The following SGCZ variants were observed in gnomAD, a reference collection of about 807,000 sequenced individuals.
SGCZ encodes zeta-sarcoglycan.
In SGCZ, 40 loss-of-function variants were observed where a neutral mutation model predicts 41.3. That is an observed-to-expected ratio of 0.97 (90% CI 0.75 to 1.26). The LOEUF (loss-of-function observed/expected upper bound fraction) is 1.26. Ranked by LOEUF, SGCZ falls within the 50% of genes most tolerant of loss-of-function variation. The pLI is 0.00. For synonymous variants in SGCZ, 206 were observed against 137.5 expected, an observed-to-expected ratio of 1.50 and a Z score of -3.49; for missense variants, 552 against 369.8, an observed-to-expected ratio of 1.49 and a Z score of -4.04.
chr8:14,865,073 T>C (rs567056888), intron 1 of SGCZ, among the ~76,000 whole-genome samples: 2 of 152,178 alleles, frequency 1.3e-5, no homozygotes, highest in South Asian at 2.1e-4. Context: ...TGTACACACA[T>C]ATATATATTC....
chr8:14,238,752 G>A (rs1458571553), intron 3 of SGCZ, among the ~76,000 whole-genome samples: 1 of 151,874 alleles, frequency 6.6e-6, no homozygotes, highest in Non-Finnish European at 1.5e-5. Context: ...GTTCTGGGGG[G>A]GGACATTTCG....
intron 7 of SGCZ, among the ~76,000 whole-genome samples, chr8:14,100,664 T>G (rs1232234787): frequency 6.7e-6 from 1 of 150,136 alleles, no homozygotes; most frequent in African/African-American, 2.4e-5. Context: ...AGATCACTTA[T>G]GGTATAATAT....
intron 2 of SGCZ, among the ~76,000 whole-genome samples, chr8:14,335,142 G>A (rs549691211): frequency 6.6e-6 from 1 of 152,106 alleles, no homozygotes; most frequent in African/African-American, 2.4e-5. Context: ...TATGGTTCAC[G>A]AAGCTCCTAA....
intron 1 of SGCZ, among the ~76,000 whole-genome samples, chr8:14,608,258 G>A (rs948200364): frequency 1.0e-5 from 1 of 96,360 alleles, no homozygotes; most frequent in Non-Finnish European, 2.2e-5. Context: ...CTTTATTTGA[G>A]GCTTTTTTTT....
chr8:14,101,515 A>C (rs1351937106), intron 7 of SGCZ, among the ~76,000 whole-genome samples: 1 of 152,236 alleles, frequency 6.6e-6, no homozygotes, highest in Admixed American at 6.5e-5. Context: ...ATCAATGACA[A>C]AGTATTATTT....
intron 1 of SGCZ, chr8:14,879,677 A>C (rs1347758810): frequency 1.3e-5 from 2 of 151,656 alleles, no homozygotes; most frequent in Non-Finnish European, 2.9e-5. Context: ...ACTTTCAATA[A>C]GTTTTTTCAG....
chr8:15,089,394 G>A (rs1806067794), intron 1 of SGCZ, among the ~76,000 whole-genome samples: 1 of 152,006 alleles, frequency 6.6e-6, no homozygotes, highest in Admixed American at 6.6e-5. Flanking sequence ...TTGAATTTAA[G>A]ATAAATTTCT....
intron 1 of SGCZ, among the ~76,000 whole-genome samples, chr8:14,871,934 G>T (rs1263025023): frequency 6.6e-6 from 1 of 150,436 alleles, no homozygotes; most frequent in East Asian, 1.9e-4. Flanking sequence ...GTATATATAT[G>T]TATATGTGTA....
chr8:14,524,011 G>A (rs1802866297), intron 2 of SGCZ, among the ~76,000 whole-genome samples: 1 of 151,894 alleles, frequency 6.6e-6, no homozygotes, highest in Admixed American at 6.6e-5. Flanking sequence ...TTCTGCTGTT[G>A]AAAACATTCA....
At chr8:14,802,882 C>A (rs575591432) in intron 1 of SGCZ, among the ~76,000 whole-genome samples, 27 of 152,276 alleles carry the variant, frequency 1.8e-4, no homozygotes, top group African/African-American at 6.0e-4. Flanking sequence ...TCACAGCCCA[C>A]CTGCACTGAA....
At chr8:14,410,375 T>A (rs1489268570) in intron 2 of SGCZ, among the ~76,000 whole-genome samples, 2 of 147,000 alleles carry the variant, frequency 1.4e-5, no homozygotes, top group African/African-American at 2.6e-5. Context: ...AAGGTAAAAG[T>A]AACTTACTTT....
intron 1 of SGCZ, among the ~76,000 whole-genome samples, chr8:15,031,066 C>CATGT (rs369314593): frequency 4.7e-5 from 7 of 149,578 alleles, no homozygotes; most frequent in African/African-American, 1.7e-4. Flanking sequence ...TCATATTTCG[C>CATGT]GTGTGTGTGT....
chr8:14,288,752 A>C (rs1308749719), intron 3 of SGCZ, among the ~76,000 whole-genome samples: 1 of 152,070 alleles, frequency 6.6e-6, no homozygotes, highest in African/African-American at 2.4e-5. Flanking sequence ...ATTTGTGTAC[A>C]AGTTTTTGTT....
chr8:14,130,734 G>C (rs1180972735), intron 5 of SGCZ, among the ~76,000 whole-genome samples: 1 of 152,206 alleles, frequency 6.6e-6, no homozygotes, highest in East Asian at 1.9e-4. Context: ...CAAGCTGGAT[G>C]CTTGCATAGG....
chr8:15,065,325 T>G (rs1805089451), intron 1 of SGCZ, among the ~76,000 whole-genome samples: 1 of 152,052 alleles, frequency 6.6e-6, no homozygotes, highest in Non-Finnish European at 1.5e-5. Flanking sequence ...ATGTTAAAAT[T>G]CCTTCCTCTT....
At chr8:14,430,829 C>A (rs142420419) in intron 2 of SGCZ, among the ~76,000 whole-genome samples, 2 of 152,096 alleles carry the variant, frequency 1.3e-5, no homozygotes, top group African/African-American at 2.4e-5. Context: ...CTAGAACTTA[C>A]GTAAGAATTC....
At chr8:15,138,211 G>A (rs1328623363) in intron 1 of SGCZ, among the ~76,000 whole-genome samples, 6 of 152,200 alleles carry the variant, frequency 3.9e-5, no homozygotes, top group Admixed American at 2.0e-4. Flanking sequence ...TTTGGAACAG[G>A]TGTGTTTACC....
chr8:14,412,001 T>G (rs780861235), intron 2 of SGCZ, among the ~76,000 whole-genome samples: 4 of 152,122 alleles, frequency 2.6e-5, no homozygotes, highest in African/African-American at 9.7e-5. Context: ...TCTTCTTAAA[T>G]GCAAGGGCGT....
At chr8:14,411,857 T>C (rs1183877977) in intron 2 of SGCZ, among the ~76,000 whole-genome samples, 1 of 152,062 alleles carries the variant, frequency 6.6e-6, no homozygotes, top group Non-Finnish European at 1.5e-5. Context: ...CTTCCAAACA[T>C]TTCTATTTGA....
Sources: allele counts gnomAD v4.1 joint callset (sites outside exome capture counted in the v4.1 genomes callset), GRCh38; gene constraint gnomAD v4.1.1; transcripts MANE v1.5; gene names NCBI Gene and HGNC (gene_info 2026-07-23, HGNC 2026-07-21).